The following CRYBG1 variants were observed in gnomAD, a reference collection of about 807,000 sequenced individuals.
CRYBG1 encodes the protein beta/gamma crystallin domain-containing protein 1.
Under a neutral mutation model 189.2 loss-of-function variants are expected in CRYBG1, and 139 were observed. The ratio of observed to expected loss-of-function variants is 0.73; its 90% CI spans 0.64 to 0.85. CRYBG1 has a LOEUF of 0.85. Ranked by LOEUF, CRYBG1 falls within the 40% of genes least tolerant of loss-of-function variation. The probability of loss-of-function intolerance (pLI) is 0.00; values close to 1 mark genes in which losing one functional copy is unlikely to be tolerated. For synonymous variants in CRYBG1, 1,023 were observed against 1,017.1 expected, an observed-to-expected ratio of 1.01 and a Z score of -0.11; for missense variants, 2,611 against 2,675.8, an observed-to-expected ratio of 0.98 and a Z score of 0.53.
chr6:106,559,698 A>G (rs1277499225), intron 18 of CRYBG1, among the ~76,000 whole-genome samples: 1 of 151,578 alleles, frequency 6.6e-6, no homozygotes, highest in Non-Finnish European at 1.5e-5. Context: ...AGGCAGGAGA[A>G]TCACTTGAAC....
At chr6:106,497,617 C>T (rs561972948) in intron 2 of CRYBG1, among the ~76,000 whole-genome samples, 1 of 152,368 alleles carries the variant, frequency 6.6e-6, no homozygotes, top group South Asian at 2.1e-4. Flanking sequence ...AGGAACAGAA[C>T]AAGCAATAGA....
At chr6:106,361,972 T>TC (rs71006681) in intron 1 of CRYBG1, among the ~76,000 whole-genome samples, 6,938 of 118,146 alleles carry the variant, frequency 0.059, 704 homozygotes, top group African/African-American at 0.16. Context: ...TTTCTTTCTT[T>TC]TTTTTTTTTT....
intron 2 of CRYBG1, among the ~76,000 whole-genome samples, chr6:106,452,327 G>A (rs1331995452): frequency 1.3e-5 from 2 of 150,798 alleles, no homozygotes; most frequent in African/African-American, 4.9e-5. Flanking sequence ...GGAGGCTGAG[G>A]CAGGAGAATC....
chr6:106,552,459 G>A (rs1463672499), intron 15 of CRYBG1: 2 of 216,646 alleles, frequency 9.2e-6, no homozygotes, highest in African/African-American at 4.7e-5. Flanking sequence ...GGTGGCTTGT[G>A]TCTATAAGCT....
chr6:106,422,196 A>G (rs1771135281), intron 1 of CRYBG1, among the ~76,000 whole-genome samples: 1 of 152,174 alleles, frequency 6.6e-6, no homozygotes, highest in South Asian at 2.1e-4. Context: ...GCCTATCCAC[A>G]CATATTTCCT....
chr6:106,391,226 G>A lies in CRYBG1; in HGVS notation c.173+30145G>A, dbSNP rs553730103. Among the ~76,000 whole-genome samples the A allele has an allele frequency of 2.2e-4, 34 of 152,154 alleles. No individual in the cohort carries two copies. In the South Asian group the frequency reaches 7.1e-3, roughly 32 times the overall value. ...GCCTCCCAAGTAGCTGAGATTACAG[G>A]CATGCACCACCACACCCAGCTAATT... On this transcript the variant is annotated intron_variant, in intron 1 of 21. Coordinates refer to ENST00000633556, the MANE Select transcript of CRYBG1 (RefSeq NM_001371242.2).
chr6:106,428,673 G>A (rs928202255), intron 1 of CRYBG1, among the ~76,000 whole-genome samples: 13 of 152,076 alleles, frequency 8.5e-5, no homozygotes, highest in African/African-American at 2.9e-4. Context: ...AGTTAGACAC[G>A]GCAGAGTTGG....
At chr6:106,545,280 A>G (rs1435896264) in intron 13 of CRYBG1, among the ~76,000 whole-genome samples, 3 of 152,234 alleles carry the variant, frequency 2.0e-5, no homozygotes, top group African/African-American at 7.2e-5. Flanking sequence ...GGCTGGGTCA[A>G]AGTCCCAGTA....
intron 2 of CRYBG1, among the ~76,000 whole-genome samples, chr6:106,494,268 G>T (rs1259639895): frequency 6.6e-6 from 1 of 152,160 alleles, no homozygotes; most frequent in African/African-American, 2.4e-5. Context: ...GATGATTATA[G>T]ATTTCAGATT....
At chr6:106,541,524 C>G in intron 9 of CRYBG1, 62 bp from the exon 10 acceptor site, 4 of 1,459,808 alleles carry the variant, frequency 2.7e-6, no homozygotes, top group Non-Finnish European at 3.8e-6. Flanking sequence ...ACTGCTATGG[C>G]TAATATAAAA....
At chr6:106,407,480 G>A (rs959017077) in intron 1 of CRYBG1, among the ~76,000 whole-genome samples, 2 of 152,094 alleles carry the variant, frequency 1.3e-5, no homozygotes, top group Non-Finnish European at 2.9e-5. Flanking sequence ...AGATCAACGA[G>A]ACAGAAAATT....
chr6:106,466,437 T>C (rs1403388295), intron 2 of CRYBG1, among the ~76,000 whole-genome samples: 3 of 152,204 alleles, frequency 2.0e-5, no homozygotes, highest in Non-Finnish European at 4.4e-5. Flanking sequence ...TTCCTTATGT[T>C]TGGTACATGT....
In CRYBG1 at chr6:106,461,900, A is replaced by G. The variant is rs561773932; in HGVS notation, c.312+10068A>G. 3.9e-5 allele frequency among the ~76,000 whole-genome samples: 6 copies of G among 152,302 alleles called. No individual in the cohort carries two copies. The East Asian group carries it at 1.2e-3, about 29-fold the overall frequency. ...AGGCGTCCTGACTCCTGGAATCGAC[A>G]TGAAAATCCCAGAAACAGGTACTAT... On this transcript the variant is annotated intron_variant, in intron 2 of 21. Transcript: ENST00000633556.
At chr6:106,477,586 A>G (rs1391777461) in intron 2 of CRYBG1, among the ~76,000 whole-genome samples, 1 of 152,178 alleles carries the variant, frequency 6.6e-6, no homozygotes. Flanking sequence ...ATTAAACTTC[A>G]TGTATTTGAG....
intron 2 of CRYBG1, among the ~76,000 whole-genome samples, chr6:106,460,300 T>C (rs540791765): frequency 9.8e-5 from 15 of 152,292 alleles, no homozygotes; most frequent in Admixed American, 2.0e-4. Context: ...CAGTCTGAGC[T>C]CTTTTGTACA....
chr6:106,371,872 A>T (rs1404707462), intron 1 of CRYBG1, among the ~76,000 whole-genome samples: 1 of 152,230 alleles, frequency 6.6e-6, no homozygotes, highest in African/African-American at 2.4e-5. Context: ...AGCTAGGTGC[A>T]TTGCTGGCAC....
intron 1 of CRYBG1, among the ~76,000 whole-genome samples, chr6:106,439,884 G>C (rs1771536270): frequency 6.6e-6 from 1 of 152,184 alleles, no homozygotes; most frequent in Non-Finnish European, 1.5e-5. Context: ...TTACTAAATA[G>C]TACTAGGTGC....
intron 1 of CRYBG1, among the ~76,000 whole-genome samples, chr6:106,364,429 G>T (rs1771942537): frequency 6.6e-6 from 1 of 152,076 alleles, no homozygotes; most frequent in African/African-American, 2.4e-5. Flanking sequence ...GTGGCTTTTG[G>T]TATAGACATT....
intron 1 of CRYBG1, among the ~76,000 whole-genome samples, chr6:106,439,416 A>G (rs1239651959): frequency 6.6e-6 from 1 of 152,188 alleles, no homozygotes; most frequent in Non-Finnish European, 1.5e-5. Flanking sequence ...TTTGGTACAA[A>G]GACAATATGA....
Sources: gnomAD v4.1 joint callset for allele counts (sites outside exome capture counted in the v4.1 genomes callset) on GRCh38, gnomAD v4.1.1 for gene constraint, MANE v1.5 for transcripts, NCBI Gene and HGNC (gene_info 2026-07-23, HGNC 2026-07-21) for gene names.